The following IKZF2 variants were observed in gnomAD, a reference collection of about 807,000 sequenced individuals.
The protein encoded by IKZF2 is IKAROS family zinc finger 2, also known as zinc finger protein Helios.
IKZF2 carries 15 observed loss-of-function variants against 49.2 expected under a neutral mutation model. That is an observed-to-expected ratio of 0.30 (90% CI 0.20 to 0.47). The LOEUF is 0.47. IKZF2 is among the 20% of genes least tolerant of loss of function. The probability of loss-of-function intolerance (pLI) is 1.00; values close to 1 mark genes in which losing one functional copy is unlikely to be tolerated. For missense variants in IKZF2, 567 were observed against 664.6 expected (o/e 0.85, Z 1.61); for synonymous variants, 227 against 221.4 (o/e 1.03, Z -0.23).
At chr2:213,136,047 T>TC (rs1358745315) in intron 4 of IKZF2, among the ~76,000 whole-genome samples, 2 of 104,762 alleles carry the variant, frequency 1.9e-5, no homozygotes, top group Admixed American at 8.8e-5. Flanking sequence ...AGACTCCGTT[T>TC]CAAAAAAAAA....
chr2:213,083,764 A>G (rs1704252698), intron 4 of IKZF2, among the ~76,000 whole-genome samples: 1 of 150,594 alleles, frequency 6.6e-6, no homozygotes, highest in Non-Finnish European at 1.5e-5. Context: ...GCTCCTTATG[A>G]GAATCTAACG....
In IKZF2 at chr2:213,057,091, C is replaced by T; in HGVS notation, c.148G>A (p.Val50Ile). ...TCATCACTCTGCATTTCTAGCTTTA[C>T]TGAATTTGCTGTAATTTGAAAAGAA... ...SPSHMTSTNSVKLEMQSDEEC... is the reference protein window; with the variant it reads ...SPSHMTSTNSIKLEMQSDEEC... The change falls in exon 5 of 9, where the codon GTA becomes ATA. Residue 50 changes from valine (V) to isoleucine (I), a missense_variant. Val to Ile is a conservative substitution (Grantham distance 29). Around this residue, in one of 5 missense-constraint regions of IKZF2, gnomAD observed 156 missense variants for 138.5 expected, o/e 1.13. Coordinates refer to ENST00000434687, the MANE Select transcript of IKZF2 (RefSeq NM_001387220.1). 6.2e-7 allele frequency: 1 copy of T among 1,610,144 alleles called. No homozygotes were observed. The highest frequency in any genetic ancestry group is 1.7e-5 in the Admixed American group (1 of 59,242).
chr2:213,089,153 T>G (rs899413623), intron 4 of IKZF2, among the ~76,000 whole-genome samples: 2 of 152,196 alleles, frequency 1.3e-5, no homozygotes, highest in African/African-American at 4.8e-5. Flanking sequence ...GTGACATCAC[T>G]ATTCACCAGG....
chr2:213,116,293 C>G (rs1011341904), intron 4 of IKZF2, among the ~76,000 whole-genome samples: 1 of 152,112 alleles, frequency 6.6e-6, no homozygotes, highest in Non-Finnish European at 1.5e-5. Flanking sequence ...TTAATTATGT[C>G]ATAAATAATT....
At chr2:213,108,657 A>G (rs1000918690) in intron 4 of IKZF2, among the ~76,000 whole-genome samples, 1 of 152,192 alleles carries the variant, frequency 6.6e-6, no homozygotes, top group Non-Finnish European at 1.5e-5. Context: ...AAGTTGATAT[A>G]GCTTTAAAGT....
At chr2:213,082,827 C>T (rs182162342) in intron 4 of IKZF2, among the ~76,000 whole-genome samples, 8 of 152,320 alleles carry the variant, frequency 5.3e-5, no homozygotes, top group Admixed American at 5.2e-4. Context: ...AGCTAATTCA[C>T]TTATTACATC....
At chr2:213,017,282 A>G (rs1174744118) in intron 7 of IKZF2, among the ~76,000 whole-genome samples, 4 of 152,108 alleles carry the variant, frequency 2.6e-5, no homozygotes, top group Non-Finnish European at 5.9e-5. Flanking sequence ...ATTATGATGG[A>G]TCCTGCATCT....
At chr2:213,146,758 T>TTG (rs2061076685) in intron 4 of IKZF2, among the ~76,000 whole-genome samples, 1 of 9,776 alleles carries the variant, frequency 1.0e-4, no homozygotes, top group South Asian at 2.3e-3. Flanking sequence ...TATTAAATCT[T>TTG]CGGGGGGGGG....
chr2:213,124,270 A>G (rs1361814823), intron 4 of IKZF2, among the ~76,000 whole-genome samples: 3,717 of 136,610 alleles, frequency 0.027, 123 homozygotes, highest in African/African-American at 0.065. Flanking sequence ...ACACACACAC[A>G]CACACACACA....
At chr2:213,120,535 T>A (rs2060021221) in intron 4 of IKZF2, among the ~76,000 whole-genome samples, 1 of 152,200 alleles carries the variant, frequency 6.6e-6, no homozygotes, top group African/African-American at 2.4e-5. Flanking sequence ...ATTGGGCTGT[T>A]TAGTAAAGGC....
intron 6 of IKZF2, among the ~76,000 whole-genome samples, chr2:213,029,708 T>A (rs1203473213): frequency 6.6e-6 from 1 of 152,080 alleles, no homozygotes; most frequent in African/African-American, 2.4e-5. Context: ...TTTCAATTTA[T>A]ATATTATAAT....
At chr2:213,149,786 CCA>C (rs1491297044) in intron 2 of IKZF2, among the ~76,000 whole-genome samples, 15 of 129,724 alleles carry the variant, frequency 1.2e-4, no homozygotes, top group African/African-American at 4.1e-4. Flanking sequence ...TACCCCCCCC[CCA>C]AAAAAAAACT....
At chr2:213,043,317 G>A (rs1699846909) in intron 6 of IKZF2, among the ~76,000 whole-genome samples, 1 of 151,888 alleles carries the variant, frequency 6.6e-6, no homozygotes, top group Admixed American at 6.6e-5. Flanking sequence ...ATCTGTGCTG[G>A]GCTTGTTGTT....
At chr2:213,142,098 T>G (rs978380152) in intron 4 of IKZF2, among the ~76,000 whole-genome samples, 3 of 151,960 alleles carry the variant, frequency 2.0e-5, no homozygotes, top group Admixed American at 2.0e-4. Context: ...AATAGGTTAC[T>G]CTATTAAGGG....
Position 213,007,198 on chromosome 2 carries a change from G to A in IKZF2, c.*162C>T, listed in dbSNP as rs1484477086. 1 of 729,992 alleles carries A rather than the reference G, an allele frequency of 1.4e-6. No homozygotes were observed. Among genetic ancestry groups the A allele is most frequent in the Non-Finnish European group, 2.2e-6 (1 of 464,824 alleles). 45.2% of individuals were successfully genotyped at this position (729,992 alleles called of 1,614,324 possible). A position where few individuals can be genotyped will look rare whatever the true frequency, so the allele number is the denominator to read the frequency against. ...GTTTCTTCCTTATCGTAATTAGGCA[G>A]AGCAAATGACACTGCCTCCACAAAA... On this transcript the variant is annotated 3_prime_UTR_variant, in exon 9 of 9. Coordinates refer to ENST00000434687, the MANE Select transcript of IKZF2 (RefSeq NM_001387220.1).
chr2:213,007,371 T>A lies in IKZF2; in HGVS notation c.1570A>T (p.Thr524Ser). 6.2e-7 allele frequency: 1 copy of A among 1,613,058 alleles called. No individual in the cohort carries two copies. The highest frequency in any genetic ancestry group is 8.5e-7 in the Non-Finnish European group (1 of 1,179,466). The stretch of plus-strand genomic sequence containing the variant: ...TGGAATGAAAAGGCCTAGTGGAATG[T>A]GTGCTCCCCTCGAACAATGTGTGAT... ...FSSHIVRGEH[T>S]FH The change falls in exon 9 of 9, where the codon ACA (threonine) becomes TCA (serine). Residue 524 changes from threonine to serine, a missense_variant. Thr to Ser is a moderately conservative substitution (Grantham distance 58). This residue lies in a region of IKZF2 where 25 missense variants were observed against 27.0 expected (regional missense o/e 0.93). Coordinates refer to ENST00000434687, the MANE Select transcript of IKZF2 (RefSeq NM_001387220.1).
intron 4 of IKZF2, among the ~76,000 whole-genome samples, chr2:213,087,151 G>T (rs1704716287): frequency 6.6e-6 from 1 of 152,066 alleles, no homozygotes; most frequent in African/African-American, 2.4e-5. Flanking sequence ...CAAAGGTCTT[G>T]ATATGCAATG....
chr2:213,012,495 G>A (rs774280481), intron 8 of IKZF2, among the ~76,000 whole-genome samples: 27 of 151,800 alleles, frequency 1.8e-4, no homozygotes, highest in Non-Finnish European at 3.7e-4. Flanking sequence ...AAGTAAACTG[G>A]CTCTTTATTT....
In IKZF2 at chr2:213,086,735, T is replaced by A. The variant is rs1480893838; in HGVS notation, c.140-29636A>T. On this transcript the variant is annotated intron_variant, in intron 4 of 8. Transcript: ENST00000434687. ...CTTGGCTGTGCTCAAGCAAAGAATT[T>A]TAGGAATGGGTAAAGGAATGGCACA... Among the ~76,000 whole-genome samples the A allele has an allele frequency of 3.3e-5, 5 of 152,090 alleles. No homozygotes were observed. The East Asian group carries it at 9.6e-4, about 29-fold the overall frequency.
Sources: gnomAD v4.1 joint callset for allele counts (sites outside exome capture counted in the v4.1 genomes callset) on GRCh38, gnomAD v4.1.1 for gene constraint, gnomAD v4.1.1 regional missense constraint, MANE v1.5 for transcripts, NCBI Gene and HGNC (gene_info 2026-07-23, HGNC 2026-07-21) for gene names.